Variants in CSNK2A2 observed in about 807,000 individuals in gnomAD.
The protein encoded by CSNK2A2 is casein kinase 2 alpha 2.
In CSNK2A2, 8 loss-of-function variants were observed where a neutral mutation model predicts 54.0. The ratio of observed to expected loss-of-function variants is 0.15; its 90% CI spans 0.09 to 0.27. The LOEUF (loss-of-function observed/expected upper bound fraction) is 0.27, where lower values mean the gene tolerates loss of function less well. Ranked by LOEUF, CSNK2A2 falls within the 10% of genes least tolerant of loss-of-function variation. The pLI is 1.00. For synonymous variants in CSNK2A2, 141 were observed against 153.9 expected (o/e 0.92, Z 0.62); for missense variants, 242 against 439.4 (o/e 0.55, Z 4.02).
intron 3 of CSNK2A2, among the ~76,000 whole-genome samples, chr16:58,185,796 T>A (rs1280836996): frequency 6.6e-6 from 1 of 152,162 alleles, no homozygotes; most frequent in Non-Finnish European, 1.5e-5. Flanking sequence ...TAATCTTGAG[T>A]GAATTTTTTA....
chr16:58,185,963 T>A (rs928489944), intron 3 of CSNK2A2, among the ~76,000 whole-genome samples: 2 of 152,236 alleles, frequency 1.3e-5, no homozygotes, highest in African/African-American at 4.8e-5. Context: ...GCTACTATAT[T>A]ATTATGAGGA....
At chr16:58,167,927 A>C (rs1315461694) in intron 6 of CSNK2A2, 132 bp from the exon 7 acceptor site, 2 of 682,600 alleles carry the variant, frequency 2.9e-6, no homozygotes, top group African/African-American at 3.6e-5. Context: ...CTGGCTTAAA[A>C]ATTACATTTT....
At chr16:58,173,675 C>T (rs1237615148) in intron 5 of CSNK2A2, among the ~76,000 whole-genome samples, 1 of 152,134 alleles carries the variant, frequency 6.6e-6, no homozygotes, top group Non-Finnish European at 1.5e-5. Flanking sequence ...AAGACTCATG[C>T]AAGAAGGGGA....
At chr16:58,176,580 G>A (rs931493243) in intron 4 of CSNK2A2, among the ~76,000 whole-genome samples, 2 of 152,082 alleles carry the variant, frequency 1.3e-5, no homozygotes, top group Non-Finnish European at 1.5e-5. Flanking sequence ...GGCTTCCTCC[G>A]ACTTTTGTAG....
Position 58,197,040 on chromosome 16 carries a change from G to C in CSNK2A2, c.105-196C>G. On this transcript the variant is annotated intron_variant, in intron 1 of 11. Transcript: ENST00000262506. This position sits in a 1 kb window ranked among gnomAD's most constrained non-coding sequence, Gnocchi z 4.0. Reference sequence around the variant, plus strand: ...ACTCTGCAGAGCTCCTAACCTAATTGGTCTCTCCTAACTTGGGAAGATGGG... The same window carrying C: ...ACTCTGCAGAGCTCCTAACCTAATTCGTCTCTCCTAACTTGGGAAGATGGG... 1 of 559,168 alleles carries C rather than the reference G, an allele frequency of 1.8e-6. No homozygotes were observed. The highest frequency in any genetic ancestry group is 2.8e-5 in the Admixed American group (1 of 35,686). The allele number at this position is 559,168 out of a possible 1,614,324, so 34.6% of individuals were successfully genotyped here.
intron 4 of CSNK2A2, among the ~76,000 whole-genome samples, chr16:58,182,395 A>AAAC (rs1567470332): frequency 1.4e-5 from 2 of 146,456 alleles, no homozygotes; most frequent in African/African-American, 5.1e-5. Context: ...AAAAAAAAAA[A>AAAC]AAAAAAAAAA....
intron 4 of CSNK2A2, among the ~76,000 whole-genome samples, chr16:58,180,747 T>A (rs1219625391): frequency 6.6e-6 from 1 of 152,148 alleles, no homozygotes; most frequent in Admixed American, 6.5e-5. Context: ...CTGAAAAGAA[T>A]GGGCTGCGGG....
intron 7 of CSNK2A2, among the ~76,000 whole-genome samples, 168 bp from the exon 8 acceptor site, chr16:58,167,476 T>A (rs1246881326): frequency 2.0e-5 from 3 of 152,218 alleles, no homozygotes; most frequent in African/African-American, 7.2e-5. Flanking sequence ...GATCTGAATT[T>A]CTAGTCTTCA....
At chr16:58,193,369 A>G (rs769843439) in intron 2 of CSNK2A2, among the ~76,000 whole-genome samples, 15 of 152,348 alleles carry the variant, frequency 9.8e-5, no homozygotes, top group African/African-American at 1.9e-4. Context: ...TATGCTAAAC[A>G]TGCTTAAAGA....
chr16:58,194,597 C>G (rs1370608600), intron 2 of CSNK2A2, among the ~76,000 whole-genome samples: 3 of 152,206 alleles, frequency 2.0e-5, no homozygotes, highest in African/African-American at 7.2e-5. Flanking sequence ...TTCCAGGACA[C>G]TGGTACCTGT....
At position 58,184,172 on chromosome 16, in the gene CSNK2A2, T is replaced by A. The variant is rs950324099; in HGVS notation, c.369+88A>T. ...TTCCTCCTCTCACCAATGACAGCCCTGGCCCCTTGGGTTCTGGAGTACACA... is the reference window on the plus strand; with the variant it reads ...TTCCTCCTCTCACCAATGACAGCCCAGGCCCCTTGGGTTCTGGAGTACACA... On this transcript the variant is annotated intron_variant, in intron 4 of 11. Coordinates refer to ENST00000262506, the MANE Select transcript of CSNK2A2 (RefSeq NM_001896.4). 6.9e-5 allele frequency: 68 copies of A among 988,828 alleles called. No homozygotes were observed. In the African/African-American group the frequency reaches 1.1e-3, roughly 16 times the overall value. 61.3% of individuals were successfully genotyped at this position (988,828 alleles called of 1,614,324 possible).
intron 5 of CSNK2A2, among the ~76,000 whole-genome samples, chr16:58,171,332 G>T (rs748013146): frequency 3.9e-5 from 6 of 152,036 alleles, no homozygotes; most frequent in Non-Finnish European, 8.8e-5. Flanking sequence ...AGACCAGCCT[G>T]ACCAACAGGG....
chr16:58,179,817 C>T (rs1961980489), intron 4 of CSNK2A2, among the ~76,000 whole-genome samples: 1 of 151,628 alleles, frequency 6.6e-6, no homozygotes, highest in Non-Finnish European at 1.5e-5. Context: ...TGGTGGCCCA[C>T]ACCTGTAATC....
chr16:58,193,314 T>C lies in CSNK2A2; in HGVS notation c.216+3419A>G, dbSNP rs117123377. ...GATGTATAACCAATGCCCATCCTTT[T>C]AACACTACCTACTGACAACACAGAA... On this transcript the variant is annotated intron_variant, in intron 2 of 11. Coordinates refer to ENST00000262506, the MANE Select transcript of CSNK2A2 (RefSeq NM_001896.4). 9.0e-4 allele frequency among the ~76,000 whole-genome samples: 137 copies of C among 152,320 alleles called. 2 individuals carry two copies. In the East Asian group the frequency reaches 0.011, roughly 12 times the overall value.
intron 7 of CSNK2A2, 135 bp downstream of exon 7, chr16:58,167,550 A>G: frequency 1.4e-6 from 1 of 707,490 alleles, no homozygotes; most frequent in Non-Finnish European, 2.3e-6. Flanking sequence ...CTAGCTGAGA[A>G]AAAACTAAAA....
Position 58,197,572 on chromosome 16 carries a change from A to T in CSNK2A2, c.104+61T>A. The T allele has an allele frequency of 7.5e-6, 9 of 1,207,730 alleles. No homozygotes were observed. The highest frequency in any genetic ancestry group is 3.1e-5 in the East Asian group (1 of 32,574). The allele number at this position is 1,207,730 out of a possible 1,614,324, so 74.8% of individuals were successfully genotyped here. On this transcript the variant is annotated intron_variant, in intron 1 of 11. Transcript: ENST00000262506. This position sits in a 1 kb window ranked among gnomAD's most constrained non-coding sequence, Gnocchi z 4.0. ...ACCACCGGGCCCGAGTGCGGTTCGCAGGGGGTGGCCGGGCGGGGGCAGGGA... is the reference window on the plus strand; with the variant it reads ...ACCACCGGGCCCGAGTGCGGTTCGCTGGGGGTGGCCGGGCGGGGGCAGGGA...
chr16:58,167,820 T>C lies in CSNK2A2; in HGVS notation c.514-25A>G, dbSNP rs200037054. ...GCTACAAATAGGACAGAAAAAAACA[T>C]GTGAAAGGAGTGTTTCTAGACGCCT... On this transcript the variant is annotated intron_variant, in intron 6 of 11. Transcript: ENST00000262506. 4.6e-5 allele frequency: 72 copies of C among 1,581,486 alleles called. 1 individual carries two copies. In the African/African-American group the frequency reaches 6.0e-4, roughly 13 times the overall value.
At chr16:58,181,094 C>T (rs1962027809) in intron 4 of CSNK2A2, among the ~76,000 whole-genome samples, 1 of 152,134 alleles carries the variant, frequency 6.6e-6, no homozygotes, top group Admixed American at 6.6e-5. Context: ...TCCAGTTAAA[C>T]AAGGCAGATC....
chr16:58,170,128 T>C (rs1021018681), intron 5 of CSNK2A2, among the ~76,000 whole-genome samples: 1 of 150,908 alleles, frequency 6.6e-6, no homozygotes, highest in African/African-American at 2.4e-5. Flanking sequence ...ATTTTATGTA[T>C]ATAATGGTTT....
Sources: gnomAD v4.1 joint callset for allele counts (sites outside exome capture counted in the v4.1 genomes callset) on GRCh38, gnomAD v4.1.1 for gene constraint, Gnocchi (gnomAD v3.1) non-coding constraint, MANE v1.5 for transcripts, NCBI Gene and HGNC (gene_info 2026-07-23, HGNC 2026-07-21) for gene names.